ITGA9: variants seen among roughly 807,000 people sequenced by gnomAD.
The protein encoded by ITGA9 is integrin subunit alpha 9.
ITGA9 carries 56 observed loss-of-function variants against 127.8 expected under a neutral mutation model. The ratio of observed to expected loss-of-function variants is 0.44; its 90% confidence interval spans 0.35 to 0.55. ITGA9 has a LOEUF of 0.55. ITGA9 is among the 20% of genes least tolerant of loss of function. The pLI is 0.00. For synonymous variants in ITGA9, 508 were observed against 514.5 expected (o/e 0.99, Z 0.17); for missense variants, 1,196 against 1,347.1 (o/e 0.89, Z 1.76).
chr3:37,501,991 G>C (rs1193918111), intron 5 of ITGA9, among the ~76,000 whole-genome samples: 1 of 152,186 alleles, frequency 6.6e-6, no homozygotes, highest in Non-Finnish European at 1.5e-5. Flanking sequence ...TTGGGAGTGA[G>C]AGAACAGGGG....
intron 19 of ITGA9, among the ~76,000 whole-genome samples, chr3:37,735,967 A>G (rs1696356487): frequency 6.6e-6 from 1 of 152,214 alleles, no homozygotes; most frequent in Non-Finnish European, 1.5e-5. Flanking sequence ...TGAGAAGTTC[A>G]AGGTCATGGT....
In ITGA9 at chr3:37,518,560, T is replaced by C. The variant is rs1403828759; in HGVS notation, c.1142-700T>C. Reference sequence around the variant, plus strand: ...CAGGAATGGATTTATTATCAAATAATAATAAGGAATGGTCCTTTATCCAGG... The same window carrying C: ...CAGGAATGGATTTATTATCAAATAACAATAAGGAATGGTCCTTTATCCAGG... On this transcript the variant is annotated intron_variant, in intron 10 of 27. Coordinates refer to ENST00000264741, the MANE Select transcript of ITGA9 (RefSeq NM_002207.3). 3.3e-5 allele frequency among the ~76,000 whole-genome samples: 5 copies of C among 152,184 alleles called. No individual in the cohort carries two copies. The East Asian group carries it at 9.6e-4, about 29-fold the overall frequency.
intron 26 of ITGA9, among the ~76,000 whole-genome samples, chr3:37,797,993 T>G (rs1697194406): frequency 6.6e-6 from 1 of 152,082 alleles, no homozygotes; most frequent in Admixed American, 6.6e-5. Flanking sequence ...CCTATTTATT[T>G]TATTTTATTT....
At chr3:37,615,843 T>G (rs917204836) in intron 15 of ITGA9, among the ~76,000 whole-genome samples, 1 of 152,228 alleles carries the variant, frequency 6.6e-6, no homozygotes, top group Non-Finnish European at 1.5e-5. Flanking sequence ...TGTGTCTATT[T>G]GATTCTTCTC....
chr3:37,630,770 A>G (rs1257877273), intron 16 of ITGA9, among the ~76,000 whole-genome samples: 1 of 152,156 alleles, frequency 6.6e-6, no homozygotes, highest in Non-Finnish European at 1.5e-5. Flanking sequence ...TTCACAACAC[A>G]AGTGCCCCAG....
chr3:37,600,271 A>G (rs1405610613), intron 15 of ITGA9, among the ~76,000 whole-genome samples: 1 of 152,142 alleles, frequency 6.6e-6, no homozygotes, highest in Non-Finnish European at 1.5e-5. Flanking sequence ...TTTCTCCCAT[A>G]TTCAAGGACT....
intron 17 of ITGA9, among the ~76,000 whole-genome samples, chr3:37,661,468 A>G (rs527314276): frequency 4.6e-5 from 7 of 152,230 alleles, no homozygotes; most frequent in African/African-American, 1.7e-4. Context: ...TGATACTTAG[A>G]TAACAAACCT....
chr3:37,714,188 C>T (rs1193639292), intron 18 of ITGA9, among the ~76,000 whole-genome samples: 1 of 152,228 alleles, frequency 6.6e-6, no homozygotes, highest in Non-Finnish European at 1.5e-5. Context: ...TTGATATCCT[C>T]ATCTGTAAGG....
intron 18 of ITGA9, among the ~76,000 whole-genome samples, chr3:37,709,448 T>A (rs1323534168): frequency 6.6e-6 from 1 of 152,186 alleles, no homozygotes; most frequent in Non-Finnish European, 1.5e-5. Flanking sequence ...TTACCATCAG[T>A]TTTTCTTTCA....
At chr3:37,680,734 A>G (rs1329468002) in intron 17 of ITGA9, among the ~76,000 whole-genome samples, 1 of 152,220 alleles carries the variant, frequency 6.6e-6, no homozygotes, top group Non-Finnish European at 1.5e-5. Context: ...CCTTCTCAAG[A>G]TAAAGCTAGG....
At chr3:37,707,601 G>C (rs1701021257) in intron 18 of ITGA9, among the ~76,000 whole-genome samples, 1 of 152,180 alleles carries the variant, frequency 6.6e-6, no homozygotes, top group Admixed American at 6.5e-5. Context: ...ATGAGGCGAT[G>C]TCAGGATCAC....
chr3:37,529,891 A>G (rs1699131083), intron 13 of ITGA9, among the ~76,000 whole-genome samples: 1 of 151,710 alleles, frequency 6.6e-6, no homozygotes. Flanking sequence ...GATAGGAATA[A>G]GGTCAGAGCA....
chr3:37,545,760 T>C (rs1163691579), intron 15 of ITGA9, among the ~76,000 whole-genome samples: 1 of 152,124 alleles, frequency 6.6e-6, no homozygotes, highest in East Asian at 1.9e-4. Context: ...GATCTCACAG[T>C]CACAGGCGAA....
At chr3:37,472,520 T>A (rs1466660915) in intron 2 of ITGA9, among the ~76,000 whole-genome samples, 1 of 152,190 alleles carries the variant, frequency 6.6e-6, no homozygotes, top group Non-Finnish European at 1.5e-5. Context: ...TGCCTCAGCC[T>A]CCCGAGTAGC....
intron 14 of ITGA9, among the ~76,000 whole-genome samples, chr3:37,540,501 A>G (rs747841992): frequency 6.6e-6 from 1 of 152,224 alleles, no homozygotes; most frequent in Non-Finnish European, 1.5e-5. Flanking sequence ...ATTCAAAAAA[A>G]TGGGAGGTTT....
chr3:37,487,655 T>C (rs1196703607), intron 4 of ITGA9, among the ~76,000 whole-genome samples: 1 of 152,148 alleles, frequency 6.6e-6, no homozygotes, highest in Non-Finnish European at 1.5e-5. Flanking sequence ...CTTATCCTTG[T>C]TATACAGATG....
intron 9 of ITGA9, 58 bp from the exon 10 acceptor site, chr3:37,517,446 T>G (rs1698994724): frequency 7.9e-7 from 1 of 1,268,402 alleles, no homozygotes. Flanking sequence ...TGATTTTTAT[T>G]GTTTGTTCTG....
intron 13 of ITGA9, among the ~76,000 whole-genome samples, chr3:37,528,921 C>T (rs928993023): frequency 6.6e-6 from 1 of 152,204 alleles, no homozygotes; most frequent in African/African-American, 2.4e-5. Flanking sequence ...GGTCATACCC[C>T]TCTCCTGATA....
chr3:37,793,500 G>C (rs983048571), intron 26 of ITGA9, among the ~76,000 whole-genome samples: 1 of 151,682 alleles, frequency 6.6e-6, no homozygotes, highest in Non-Finnish European at 1.5e-5. Context: ...CTGTGCTGAA[G>C]AGGTCAAGAC....
Sources: allele counts gnomAD v4.1 joint callset (sites outside exome capture counted in the v4.1 genomes callset), GRCh38; gene constraint gnomAD v4.1.1; transcripts MANE v1.5; gene names NCBI Gene and HGNC (gene_info 2026-07-23, HGNC 2026-07-21).